Variants in LSM1 observed in about 807,000 individuals in gnomAD.
LSM1 encodes the protein LSM1 homolog, mRNA degradation associated.
LSM1 carries 13 observed loss-of-function variants against 18.0 expected under a neutral mutation model. The observed-to-expected ratio is 0.72, with a 90% confidence interval of 0.47 to 1.15. LSM1 has a LOEUF of 1.15. Among genes scored for constraint, LSM1 ranks in the 50% most tolerant of loss-of-function variants. The pLI, the probability that LSM1 is intolerant of heterozygous loss-of-function variation, is 0.00. For missense variants in LSM1, 152 were observed against 157.7 expected, an observed-to-expected ratio of 0.96 and a Z score of 0.19; for synonymous variants, 46 against 56.0, an observed-to-expected ratio of 0.82 and a Z score of 0.80.
chr8:38,175,507 A>G (rs1192122034), intron 1 of LSM1, among the ~76,000 whole-genome samples: 2 of 152,242 alleles, frequency 1.3e-5, no homozygotes, highest in African/African-American at 4.8e-5. Flanking sequence ...ACAATAAAAA[A>G]TGTTGCTTGA....
chr8:38,168,591 CAAA>C (rs34880510), intron 3 of LSM1, among the ~76,000 whole-genome samples: 1 of 100,482 alleles, frequency 1.0e-5, no homozygotes, highest in Admixed American at 1.0e-4. Flanking sequence ...AACTCTGTCC[CAAA>C]AAAAAAAAAA....
At chr8:38,173,747 C>T (rs1166784023) in intron 1 of LSM1, among the ~76,000 whole-genome samples, 2 of 152,130 alleles carry the variant, frequency 1.3e-5, no homozygotes, top group Non-Finnish European at 2.9e-5. Context: ...TTAATAGAAA[C>T]ACACGCAGAT....
Position 38,172,006 on chromosome 8 carries a change from C to A in LSM1, c.74G>T (p.Gly25Val). The change falls in exon 2 of 4, where the codon GGA becomes GTA. Residue 25 changes from glycine to valine, a missense_variant. Transcript: ENST00000311351. ...DKKHLVLLRD[G>V]RTLIGFLRSI... ...TCTTAAAAAGCCTATAAGTGTCCTTCCATCTCGAAGCAGAACCAAGTGCTT... is the reference window on the plus strand; with the variant it reads ...TCTTAAAAAGCCTATAAGTGTCCTTACATCTCGAAGCAGAACCAAGTGCTT... 1.2e-6 allele frequency: 2 copies of A among 1,611,968 alleles called. No individual in the cohort carries two copies. Among genetic ancestry groups the A allele is most frequent in the South Asian group, 1.1e-5 (1 of 90,734 alleles).
chr8:38,175,709 A>G (rs1803122115), intron 1 of LSM1: 1 of 152,218 alleles, frequency 6.6e-6, no homozygotes, highest in Non-Finnish European at 1.5e-5. Flanking sequence ...TCTTTCCAGA[A>G]AAGTCAATAC....
At chr8:38,175,765 G>A (rs761512566) in intron 1 of LSM1, 2 of 152,688 alleles carry the variant, frequency 1.3e-5, no homozygotes, top group Non-Finnish European at 2.9e-5. Context: ...AGGTGCTAAT[G>A]ACCCTCACAG....
rs778383079 is a variant in LSM1 at position 38,176,357 on chromosome 8, G to C, written c.-37C>G. 3 of 1,582,814 alleles carry C rather than the reference G, an allele frequency of 1.9e-6. No homozygotes were observed. In the African/African-American group the frequency reaches 4.0e-5, roughly 21 times the overall value. Reference sequence around the variant, plus strand: ...ATAATGCTGCAATGCACAGCGGCGGGAGGCCAGCGCGTCCAAAACCTCTTC... The same window carrying C: ...ATAATGCTGCAATGCACAGCGGCGGCAGGCCAGCGCGTCCAAAACCTCTTC... On this transcript the variant is annotated 5_prime_UTR_variant, in exon 1 of 4. Transcript: ENST00000311351.
chr8:38,165,300 C>T (rs1490013123), intron 3 of LSM1, among the ~76,000 whole-genome samples: 5 of 151,804 alleles, frequency 3.3e-5, no homozygotes, highest in Non-Finnish European at 5.9e-5. Flanking sequence ...TTGCAGTGAG[C>T]GGAGATCACG....
chr8:38,171,658 G>A (rs1053457139), intron 2 of LSM1, among the ~76,000 whole-genome samples: 2 of 152,038 alleles, frequency 1.3e-5, no homozygotes, highest in African/African-American at 4.8e-5. Flanking sequence ...CCGAGAGCGC[G>A]TCTAAACAAA....
chr8:38,164,748 G>A (rs556395788), intron 3 of LSM1, among the ~76,000 whole-genome samples: 1 of 152,062 alleles, frequency 6.6e-6, no homozygotes, highest in Admixed American at 6.6e-5. Flanking sequence ...AGGACTGCTT[G>A]AGCCTGGGAG....
intron 1 of LSM1, among the ~76,000 whole-genome samples, chr8:38,175,375 T>G (rs1400479831): frequency 1.3e-5 from 2 of 152,122 alleles, no homozygotes; most frequent in Admixed American, 1.3e-4. Flanking sequence ...GCCCGTAAAA[T>G]GAAATTTTAA....
At position 38,163,629 on chromosome 8, in the gene LSM1, A is replaced by T. The variant is rs1476686541; in HGVS notation, c.*41T>A. Reference sequence around the variant, plus strand: ...CAGGATGTCACTTTCACTCAGTGACAGCCCCTACTCTTCAAGAGCCAACAG... The same window carrying T: ...CAGGATGTCACTTTCACTCAGTGACTGCCCCTACTCTTCAAGAGCCAACAG... On this transcript the variant is annotated 3_prime_UTR_variant, in exon 4 of 4. Coordinates refer to ENST00000311351, the MANE Select transcript of LSM1 (RefSeq NM_014462.3). The T allele has an allele frequency of 6.3e-7, 1 of 1,588,336 alleles. No individual in the cohort carries two copies.
chr8:38,176,276 G>T lies in LSM1; in HGVS notation c.45C>A (p.Asp15Glu), dbSNP rs534797558. The change falls in exon 1 of 4, where the codon GAC (aspartate) becomes GAA (glutamate). Residue 15 changes from aspartate to glutamate, a missense_variant and splice_region_variant. By Grantham distance (45) the Asp-to-Glu change is conservative (BLOSUM62 2). Transcript: ENST00000311351. Reference protein sequence around the residue: ...PGTASLIEDIDKKHLVLLRDG... With the variant: ...PGTASLIEDIEKKHLVLLRDG... ...ACCGGGAGGAGATAAACTACTCACT[G>T]TCAATGTCCTCGATGAGGCTGGCGG... 6.2e-7 allele frequency: 1 copy of T among 1,613,474 alleles called. No homozygotes were observed. Among genetic ancestry groups the T allele is most frequent in the African/African-American group, 1.3e-5 (1 of 74,946 alleles).
chr8:38,175,389 T>C (rs970185343), intron 1 of LSM1, among the ~76,000 whole-genome samples: 7 of 152,166 alleles, frequency 4.6e-5, no homozygotes, highest in Non-Finnish European at 7.3e-5. Context: ...ATTTTAACCA[T>C]AGATTCTAAA....
At chr8:38,176,518 G>C (rs781466791), upstream of LSM1, 7 of 581,322 alleles carry the variant, frequency 1.2e-5, no homozygotes, top group East Asian at 2.9e-5. Context: ...CCTGTAACAC[G>C]TGTGGGCCCC....
At chr8:38,171,908 G>A in intron 2 of LSM1, 57 bp downstream of exon 2, 2 of 1,283,132 alleles carry the variant, frequency 1.6e-6, no homozygotes, top group Admixed American at 4.0e-5. Context: ...AACAAAAAAT[G>A]CAATGGGCTG....
At position 38,164,685 on chromosome 8, in the gene LSM1, C is replaced by G. The variant is rs538015643; in HGVS notation, c.232-845G>C. Among the ~76,000 whole-genome samples the G allele has an allele frequency of 1.5e-4, 23 of 151,646 alleles. 1 individual carries two copies. In the South Asian group the frequency reaches 4.6e-3, roughly 30 times the overall value. On this transcript the variant is annotated intron_variant, in intron 3 of 3. Transcript: ENST00000311351. ...CACCAAAAAACAAAACAAAAAAAAG[C>G]TGGTGTGGTGGTGTTCACCTACAGT...
chr8:38,176,626 C>A, upstream of LSM1: 1 of 568,238 alleles, frequency 1.8e-6, no homozygotes, highest in Non-Finnish European at 3.0e-6. Context: ...GGCGAGGAAA[C>A]GTATACTCCC....
intron 1 of LSM1, chr8:38,175,768 C>T (rs887455043): frequency 6.5e-6 from 1 of 152,860 alleles, no homozygotes; most frequent in African/African-American, 2.4e-5. Flanking sequence ...TGCTAATGAC[C>T]CTCACAGTAA....
Position 38,164,274 on chromosome 8 carries a change from C to T in LSM1, c.232-434G>A, listed in dbSNP as rs189968175. Among the ~76,000 whole-genome samples, 35 of 152,224 alleles carry T rather than the reference C, an allele frequency of 2.3e-4. 2 individuals carry two copies. The South Asian group carries it at 5.0e-3, about 22-fold the overall frequency. On this transcript the variant is annotated intron_variant, in intron 3 of 3. Coordinates refer to ENST00000311351, the MANE Select transcript of LSM1 (RefSeq NM_014462.3). ...TTCACCACGTTGGTCAGGCTGGTCT[C>T]GAAACCTGACCTCATGATCTGCCTG...
Sources: gnomAD v4.1 joint callset for allele counts (sites outside exome capture counted in the v4.1 genomes callset) on GRCh38, gnomAD v4.1.1 for gene constraint, MANE v1.5 for transcripts, NCBI Gene and HGNC (gene_info 2026-07-23, HGNC 2026-07-21) for gene names.